Variants in MTRF1 observed in about 807,000 individuals in gnomAD.
MTRF1 encodes mitochondrial translation release factor 1, also known as peptide chain release factor 1, mitochondrial.
A neutral mutation model predicts 62.9 loss-of-function variants in MTRF1; 51 were observed. That is an observed-to-expected ratio of 0.81 (90% confidence interval 0.65 to 1.02). The LOEUF (loss-of-function observed/expected upper bound fraction) is 1.02, where lower values mean the gene tolerates loss of function less well. MTRF1 is among the 50% of genes least tolerant of loss of function. The probability of loss-of-function intolerance (pLI) is 0.00; values close to 1 mark genes in which losing one functional copy is unlikely to be tolerated. For missense variants in MTRF1, 446 were observed against 530.0 expected, an observed-to-expected ratio of 0.84 and a Z score of 1.56; for synonymous variants, 158 against 181.9, an observed-to-expected ratio of 0.87 and a Z score of 1.06.
chr13:41,224,247 A>T (rs2033950759), intron 8 of MTRF1, among the ~76,000 whole-genome samples: 1 of 152,104 alleles, frequency 6.6e-6, no homozygotes, highest in African/African-American at 2.4e-5. Flanking sequence ...CTTCCCTGAA[A>T]TCCACTGTAC....
chr13:41,278,626 G>C, the MTRF1 span, among the ~76,000 whole-genome samples: 1 of 152,066 alleles, frequency 6.6e-6, no homozygotes, highest in South Asian at 2.1e-4. Context: ...TTCCACCTTT[G>C]CAAGAGACAT....
At chr13:41,311,552 C>T in the MTRF1 span, 2 of 1,608,268 alleles carry the variant, frequency 1.2e-6, no homozygotes, top group South Asian at 2.2e-5. Flanking sequence ...TGCTGCCGCC[C>T]AAGGAGAGCA....
At chr13:41,259,708 A>ACT (rs57877797) in intron 2 of MTRF1, among the ~76,000 whole-genome samples, 1 of 141,574 alleles carries the variant, frequency 7.1e-6, no homozygotes, top group South Asian at 2.2e-4. Flanking sequence ...TCTCAAAAAA[A>ACT]AAAAAAAAAA....
the MTRF1 span, chr13:41,311,533 C>G: frequency 6.2e-7 from 1 of 1,605,094 alleles, no homozygotes; most frequent in Non-Finnish European, 8.5e-7. Flanking sequence ...GCCACGATGC[C>G]GAACGTGCTG....
chr13:41,300,554 C>T, the MTRF1 span, among the ~76,000 whole-genome samples: 9 of 151,194 alleles, frequency 6.0e-5, no homozygotes, highest in South Asian at 1.5e-3. Flanking sequence ...CCACTGCACT[C>T]CAGCCTGGGC....
intron 9 of MTRF1, among the ~76,000 whole-genome samples, chr13:41,222,300 T>C (rs1170538362): frequency 6.6e-6 from 1 of 152,242 alleles, no homozygotes; most frequent in East Asian, 1.9e-4. Context: ...CAGTGGTCTT[T>C]GCTGGATGCG....
chr13:41,304,170 T>C, the MTRF1 span, among the ~76,000 whole-genome samples: 3 of 152,144 alleles, frequency 2.0e-5, no homozygotes, highest in African/African-American at 7.2e-5. Flanking sequence ...AAGGAGAGGG[T>C]GGTCTACTGT....
At chr13:41,245,761 C>T (rs1381621170) in intron 5 of MTRF1, among the ~76,000 whole-genome samples, 10 of 152,150 alleles carry the variant, frequency 6.6e-5, no homozygotes. Context: ...TCCAGGAAGG[C>T]TTTTCTAACT....
the MTRF1 span, among the ~76,000 whole-genome samples, chr13:41,293,590 C>A: frequency 2.7e-4 from 41 of 152,218 alleles, no homozygotes; most frequent in East Asian, 7.7e-3. Context: ...CAGCAAAATA[C>A]CAATATACTT....
upstream of MTRF1, among the ~76,000 whole-genome samples, chr13:41,268,367 G>T (rs189548919): frequency 3.3e-5 from 5 of 152,158 alleles, no homozygotes; most frequent in East Asian, 9.7e-4. Flanking sequence ...TTTATAATTT[G>T]ATTTTAGAAA....
At chr13:41,290,952 CA>C in the MTRF1 span, among the ~76,000 whole-genome samples, 1 of 150,800 alleles carries the variant, frequency 6.6e-6, no homozygotes, top group African/African-American at 2.4e-5. Context: ...AAAAATTAGC[CA>C]GGCGTGATGG....
the MTRF1 span, among the ~76,000 whole-genome samples, chr13:41,303,918 C>A: frequency 3.9e-5 from 6 of 151,982 alleles, no homozygotes; most frequent in Non-Finnish European, 8.8e-5. Context: ...TTTTTGTTAT[C>A]CTATATATAA....
chr13:41,224,479 A>T (rs1438304220), intron 8 of MTRF1, among the ~76,000 whole-genome samples: 1 of 152,220 alleles, frequency 6.6e-6, no homozygotes, highest in Non-Finnish European at 1.5e-5. Flanking sequence ...GAATTTTTTT[A>T]AATTATGGAT....
At chr13:41,252,308 T>TATAA (rs149701990) in intron 5 of MTRF1, 99,480 of 157,558 alleles carry the variant, frequency 0.63, 31,723 homozygotes, top group Admixed American at 0.66. Flanking sequence ...TATATTATTT[T>TATAA]ATAAAGTTAT....
chr13:41,260,710 G>A lies in MTRF1; in HGVS notation c.198C>T (p.Thr66=), dbSNP rs1165410915. ...NWSRRYCHQD[T]KMLWKHKALQ... ...GTGCTTTATGCTTCCAGAGCATCTT[G>A]GTGTCTTGATGGCAATATCTCCTGG... Residue 66 remains threonine (T), a synonymous_variant, in exon 2 of 10, where the codon ACC becomes ACT. Transcript: ENST00000379480. The A allele has an allele frequency of 6.2e-7, 1 of 1,613,988 alleles. No homozygotes were observed. The highest frequency in any genetic ancestry group is 8.5e-7 in the Non-Finnish European group (1 of 1,179,944).
At chr13:41,298,392 A>ATAGGTCTGAATACTGTTTAAAT in the MTRF1 span, among the ~76,000 whole-genome samples, 2 of 150,704 alleles carry the variant, frequency 1.3e-5, no homozygotes, top group African/African-American at 2.4e-5. Context: ...CACTATTACG[A>ATAGGTCTGAATACTGTTTAAAT]AGTTACACTC....
the MTRF1 span, among the ~76,000 whole-genome samples, chr13:41,270,953 G>A: frequency 6.6e-6 from 1 of 151,798 alleles, no homozygotes; most frequent in Non-Finnish European, 1.5e-5. Flanking sequence ...CGGCCAGGCT[G>A]GTCTCGAACT....
In MTRF1 at chr13:41,248,724, CA is replaced by C. The variant is rs541769426; in HGVS notation, c.697+3920del. Among the ~76,000 whole-genome samples, 435 of 152,270 alleles carry C rather than the reference CA, an allele frequency of 2.9e-3. 1 individual carries two copies. Among genetic ancestry groups the C allele is most frequent in the African/African-American group, 0.01 (418 of 41,552 alleles). On this transcript the variant is annotated intron_variant, in intron 5 of 9. Coordinates refer to ENST00000379480, the MANE Select transcript of MTRF1 (RefSeq NM_004294.4). Reference sequence around the variant, plus strand: ...TACATTACCGTAAGTCACCCCACCCCAAATTAACTCGTGAGTAGAGAATAAC... The same window carrying C: ...TACATTACCGTAAGTCACCCCACCCCAATTAACTCGTGAGTAGAGAATAAC...
intron 2 of MTRF1, among the ~76,000 whole-genome samples, chr13:41,259,685 GA>G (rs1253098158): frequency 3.0e-3 from 82 of 27,698 alleles, no homozygotes; most frequent in African/African-American, 7.5e-3. Context: ...CTGGGCGACA[GA>G]GCGAGACTCC....
Sources: allele counts gnomAD v4.1 joint callset (sites outside exome capture counted in the v4.1 genomes callset), GRCh38; gene constraint gnomAD v4.1.1; transcripts MANE v1.5; gene names NCBI Gene and HGNC (gene_info 2026-07-23, HGNC 2026-07-21).